LIN54: variants seen among roughly 807,000 people sequenced by gnomAD.
The protein encoded by LIN54 is lin-54 DREAM MuvB core complex component.
LIN54 carries 9 observed loss-of-function variants against 78.7 expected under a neutral mutation model. That is an observed-to-expected ratio of 0.11 (90% CI 0.07 to 0.20). The LOEUF is 0.20. Among genes scored for constraint, LIN54 ranks in the 10% least tolerant of loss-of-function variants. LIN54 has a pLI of 1.00. For missense variants in LIN54, 573 were observed against 889.9 expected (o/e 0.64, Z 4.53); for synonymous variants, 269 against 318.4 (o/e 0.84, Z 1.65).
intron 2 of LIN54, 140 bp downstream of exon 2, chr4:82,984,017 AACAC>A (rs1334252814): frequency 4.8e-6 from 3 of 629,074 alleles, no homozygotes; most frequent in East Asian, 2.9e-5. Flanking sequence ...CAAACTTAAA[AACAC>A]ACACACACAA....
chr4:82,970,974 T>TA (rs1725597350), intron 3 of LIN54, among the ~76,000 whole-genome samples: 2 of 152,038 alleles, frequency 1.3e-5, no homozygotes, highest in Non-Finnish European at 2.9e-5. Context: ...CCAAAGGGGA[T>TA]AAAAAAATGT....
Position 83,010,775 on chromosome 4 carries a change from T to G in LIN54, c.-324A>C. 1 of 1,228,724 alleles carries G rather than the reference T, an allele frequency of 8.1e-7. No homozygotes were observed. Among genetic ancestry groups the G allele is most frequent in the Non-Finnish European group, 1.0e-6 (1 of 986,492 alleles). The allele number at this position is 1,228,724 out of a possible 1,614,324, so 76.1% of individuals were successfully genotyped here. ...GTCATCACCATCACAGCTCAGCAGC[T>G]TCCCCGACAGCCGGAGCCCGGGCCG... On this transcript the variant is annotated 5_prime_UTR_variant, in exon 1 of 13. Coordinates refer to ENST00000340417, the MANE Select transcript of LIN54 (RefSeq NM_194282.4).
chr4:82,999,336 A>G (rs1728531214), intron 1 of LIN54, among the ~76,000 whole-genome samples: 1 of 152,242 alleles, frequency 6.6e-6, no homozygotes, highest in South Asian at 2.1e-4. Context: ...GTTGCCCAAC[A>G]TTTCAAGATA....
intron 2 of LIN54, among the ~76,000 whole-genome samples, 166 bp from the exon 3 acceptor site, chr4:82,979,172 AAATATT>A (rs542408706): frequency 4.9e-4 from 74 of 152,296 alleles, no homozygotes; most frequent in Admixed American, 2.3e-3. Flanking sequence ...ACATTCATCA[AAATATT>A]AATATTATTA....
chr4:83,005,795 G>C (rs1729307621), intron 1 of LIN54, among the ~76,000 whole-genome samples: 1 of 152,084 alleles, frequency 6.6e-6, no homozygotes, highest in Admixed American at 6.6e-5. Context: ...ATATCTAAAA[G>C]AAAACAAATG....
intron 4 of LIN54, among the ~76,000 whole-genome samples, chr4:82,960,480 T>C (rs1724697113): frequency 6.6e-6 from 1 of 151,230 alleles, no homozygotes; most frequent in Non-Finnish European, 1.5e-5. Flanking sequence ...ATCACCCAGG[T>C]TGGAGTGAAG....
chr4:82,955,458 T>C (rs1224763620), intron 4 of LIN54, among the ~76,000 whole-genome samples: 1 of 150,100 alleles, frequency 6.7e-6, no homozygotes, highest in Non-Finnish European at 1.5e-5. Flanking sequence ...AGAAAATATC[T>C]GCAAAACACA....
chr4:82,975,839 C>T (rs1219116797), intron 3 of LIN54, among the ~76,000 whole-genome samples: 1 of 151,982 alleles, frequency 6.6e-6, no homozygotes, highest in Non-Finnish European at 1.5e-5. Context: ...ATGGATAACT[C>T]AAAGCCAGTG....
At chr4:82,972,749 G>A (rs967237725) in intron 3 of LIN54, among the ~76,000 whole-genome samples, 10 of 152,020 alleles carry the variant, frequency 6.6e-5, no homozygotes, top group Non-Finnish European at 1.0e-4. Context: ...TTGGGAGGCC[G>A]AGGCAGGTGG....
chr4:82,939,975 CAAA>C lies in LIN54; in HGVS notation c.1169-16_1169-14del, dbSNP rs755452690. 5.1e-6 allele frequency: 8 copies of C among 1,572,262 alleles called. No homozygotes were observed. In the Admixed American group the frequency reaches 5.8e-5, roughly 11 times the overall value. ...ACCACTGGCTTTGCTTTTTAAAAAA[CAAA>C]AGAAGGATGAACAAGTTATTTACAG... On this transcript the variant is annotated splice_polypyrimidine_tract_variant and intron_variant, in intron 5 of 12. Transcript: ENST00000340417.
chr4:83,003,811 C>T (rs1049660363), intron 1 of LIN54, among the ~76,000 whole-genome samples: 1 of 152,152 alleles, frequency 6.6e-6, no homozygotes, highest in African/African-American at 2.4e-5. Flanking sequence ...CAGGCATGAG[C>T]TACTGCACCT....
chr4:82,988,349 A>T lies in LIN54; in HGVS notation c.-32-3473T>A, dbSNP rs1008148341. 9.2e-5 allele frequency among the ~76,000 whole-genome samples: 14 copies of T among 152,224 alleles called. No homozygotes were observed. The East Asian group carries it at 2.7e-3, about 29-fold the overall frequency. On this transcript the variant is annotated intron_variant, in intron 1 of 12. Transcript: ENST00000340417. The stretch of plus-strand genomic sequence containing the variant: ...ATTTATCTTTATCGTTTTACTTATT[A>T]GTAGTTCTATTCCTTTTTACTGCTG...
chr4:82,947,236 T>TATATATATA (rs1553949048), intron 4 of LIN54, among the ~76,000 whole-genome samples: 2 of 4,472 alleles, frequency 4.5e-4, no homozygotes, highest in African/African-American at 8.0e-4. Context: ...TATATATATA[T>TATATATATA]TTTTTTTTTT....
rs764568093 is a variant in LIN54 at position 82,984,803 on chromosome 4, C to G, written c.42G>C (p.Glu14Asp). The G allele has an allele frequency of 2.5e-6, 4 of 1,613,550 alleles. No homozygotes were observed. In the Admixed American group the frequency reaches 6.7e-5, roughly 27 times the overall value. The stretch of plus-strand genomic sequence containing the variant: ...AAGTTATACCAGTGTCCATTATTTC[C>G]TCTGGAAGCAAACTATTCACCTCAG... ...VPAEVNSLLP[E>D]EIMDTGITLV... The change falls in exon 2 of 13, where the codon GAG becomes GAC. Residue 14 changes from glutamate to aspartate, a missense_variant. Coordinates refer to ENST00000340417, the MANE Select transcript of LIN54 (RefSeq NM_194282.4).
At chr4:82,986,814 CATT>C (rs1460443134) in intron 1 of LIN54, among the ~76,000 whole-genome samples, 6 of 151,342 alleles carry the variant, frequency 4.0e-5, no homozygotes, top group African/African-American at 1.2e-4. Flanking sequence ...AATAAACCAT[CATT>C]ATTGAGTGCT....
chr4:82,979,145 G>A, intron 2 of LIN54, 139 bp from the exon 3 acceptor site: 1 of 499,196 alleles, frequency 2.0e-6, no homozygotes, highest in East Asian at 3.0e-5. Context: ...TTAATGTTAA[G>A]AACATTTAAA....
chr4:82,979,288 A>C (rs182809961), intron 2 of LIN54, among the ~76,000 whole-genome samples: 6 of 152,304 alleles, frequency 3.9e-5, no homozygotes, highest in Admixed American at 3.9e-4. Context: ...AATTAATAAT[A>C]ATGCTTAATG....
chr4:82,997,616 C>A (rs1351389760), intron 1 of LIN54, among the ~76,000 whole-genome samples: 1 of 151,840 alleles, frequency 6.6e-6, no homozygotes, highest in Non-Finnish European at 1.5e-5. Context: ...ATTTTGGAGG[C>A]AGGGAGACCA....
rs13112047 is a variant in LIN54 at position 82,964,721 on chromosome 4, G to A, written c.951+5606C>T. 1.0e-3 allele frequency among the ~76,000 whole-genome samples: 151 copies of A among 148,256 alleles called. 1 individual carries two copies. The highest frequency in any genetic ancestry group is 3.4e-3 in the Middle Eastern group (1 of 292). On this transcript the variant is annotated intron_variant, in intron 4 of 12. Transcript: ENST00000340417. ...AAAAGCTTTATTGCTCAAAAAAAAA[G>A]AAAAAAAAGAAAAAAATTTAAAAGG... is the stretch of plus-strand genomic sequence containing the variant.
Sources: gnomAD v4.1 joint callset for allele counts (sites outside exome capture counted in the v4.1 genomes callset) on GRCh38, gnomAD v4.1.1 for gene constraint, MANE v1.5 for transcripts, NCBI Gene and HGNC (gene_info 2026-07-23, HGNC 2026-07-21) for gene names.